Variants in DMXL1 observed in about 807,000 individuals in gnomAD.
The protein encoded by DMXL1 is dmX-like protein 1.
In DMXL1, 99 loss-of-function variants were observed where a neutral mutation model predicts 319.2. The observed-to-expected ratio is 0.31, with a 90% CI of 0.26 to 0.37. DMXL1 has a LOEUF of 0.37. Among genes scored for constraint, DMXL1 ranks in the 10% least tolerant of loss-of-function variants. DMXL1 has a pLI of 1.00. For synonymous variants in DMXL1, 1,385 were observed against 1,235.2 expected (o/e 1.12, Z -2.54); for missense variants, 3,745 against 3,595.6 (o/e 1.04, Z -1.06).
chr5:119,236,185 T>C (rs1412808573), intron 39 of DMXL1: 1 of 152,086 alleles, frequency 6.6e-6, no homozygotes, highest in Non-Finnish European at 1.5e-5. Context: ...TGAGACTTAT[T>C]CTTGTCTGCA....
chr5:119,127,507 T>G (rs930575764), intron 9 of DMXL1, among the ~76,000 whole-genome samples: 1 of 152,184 alleles, frequency 6.6e-6, no homozygotes, highest in Non-Finnish European at 1.5e-5. Context: ...CAGTGACCGA[T>G]AGCTCACTGC....
At chr5:119,187,092 C>T (rs1777870159) in intron 28 of DMXL1, among the ~76,000 whole-genome samples, 1 of 151,814 alleles carries the variant, frequency 6.6e-6, no homozygotes, top group Non-Finnish European at 1.5e-5. Flanking sequence ...AAAAAAAGTG[C>T]TTCCTGGGAA....
At chr5:119,129,585 T>C (rs190908820) in intron 10 of DMXL1, among the ~76,000 whole-genome samples, 162 bp downstream of exon 10, 60 of 152,350 alleles carry the variant, frequency 3.9e-4, no homozygotes, top group African/African-American at 1.3e-3. Context: ...ATTTCTGTTA[T>C]AGGTAGCTTT....
At chr5:119,126,896 CTTAAA>C (rs1763710838) in intron 9 of DMXL1, 1 of 165,190 alleles carries the variant, frequency 6.1e-6, no homozygotes, top group Non-Finnish European at 1.4e-5. Flanking sequence ...TTGTGCTGTG[CTTAAA>C]TTCCTTTTTG....
At position 119,149,097 on chromosome 5, in the gene DMXL1, T is replaced by C; in HGVS notation, c.3270T>C (p.Cys1090=). The C allele has an allele frequency of 6.2e-7, 1 of 1,613,964 alleles. No homozygotes were observed. Among genetic ancestry groups the C allele is most frequent in the Non-Finnish European group, 8.5e-7 (1 of 1,179,884 alleles). The change falls in exon 18 of 44, where the codon TGT becomes TGC. Residue 1090 remains cysteine, a synonymous_variant. Transcript: ENST00000539542. The stretch of plus-strand genomic sequence containing the variant: ...AATGTGAGTCAACAGGAGGTTCATG[T>C]TGGGTCCTTGAGCAGACAATTCATT... ...IFECESTGGS[C]WVLEQTIHLD... is the part of the protein sequence containing the mutation.
intron 28 of DMXL1, among the ~76,000 whole-genome samples, chr5:119,184,341 G>A (rs914170051): frequency 2.0e-5 from 3 of 152,106 alleles, no homozygotes; most frequent in African/African-American, 7.2e-5. Flanking sequence ...TGGGATTACA[G>A]GTGTGAGCCA....
intron 10 of DMXL1, 77 bp from the exon 11 acceptor site, chr5:119,133,055 C>G (rs752039520): frequency 1.1e-5 from 17 of 1,522,804 alleles, no homozygotes; most frequent in Non-Finnish European, 1.4e-5. Context: ...GTTCAGCTAT[C>G]CAGAAGCTCG....
intron 38 of DMXL1, among the ~76,000 whole-genome samples, chr5:119,227,757 A>G (rs893950057): frequency 2.6e-5 from 4 of 152,132 alleles, no homozygotes; most frequent in Admixed American, 6.6e-5. Flanking sequence ...GTTTCCAATT[A>G]TGTCCTGCTA....
rs1197558644 is a variant in DMXL1 at position 119,077,635 on chromosome 5, T to G, written c.87+5979T>G. 2.9e-3 allele frequency among the ~76,000 whole-genome samples: 351 copies of G among 121,884 alleles called. 2 individuals are homozygous for G. The highest frequency in any genetic ancestry group is 0.014 in the African/African-American group (341 of 24,668). The allele number at this position is 121,884 out of a possible 152,430, so 80.0% of individuals were successfully genotyped here. On this transcript the variant is annotated intron_variant, in intron 1 of 43. Coordinates refer to ENST00000539542, the MANE Select transcript of DMXL1 (RefSeq NM_001290321.3). Reference sequence around the variant, plus strand: ...ACAGACACGTGCCACCATTCCTGGCTTTTTTTTTTTTTTTTTGTATATGTG... The same window carrying G: ...ACAGACACGTGCCACCATTCCTGGCGTTTTTTTTTTTTTTTTGTATATGTG...
chr5:119,220,876 C>G, intron 36 of DMXL1, 64 bp from the exon 37 acceptor site: 1 of 1,560,868 alleles, frequency 6.4e-7, no homozygotes, highest in Non-Finnish European at 8.7e-7. Context: ...AATTTTAGAC[C>G]TTTCAAGTGT....
chr5:119,224,560 G>T, intron 37 of DMXL1, 149 bp from the exon 38 acceptor site: 1 of 349,882 alleles, frequency 2.9e-6, no homozygotes, highest in Non-Finnish European at 5.3e-6. Flanking sequence ...TTAAATTTCT[G>T]TTATCATGTT....
chr5:119,237,366 A>G lies in DMXL1; in HGVS notation c.8511A>G (p.Thr2837=), dbSNP rs751342441. The change falls in exon 40 of 44, where the codon ACA becomes ACG. Residue 2837 remains threonine (T), a synonymous_variant. Coordinates refer to ENST00000539542, the MANE Select transcript of DMXL1 (RefSeq NM_001290321.3). ...ATGGATATTTAAGTTTGTATCAAACAAACTGGAAATGTTGTCCAGTTACTG... is the reference window on the plus strand; with the variant it reads ...ATGGATATTTAAGTTTGTATCAAACGAACTGGAAATGTTGTCCAGTTACTG... The part of the protein sequence containing the change: ...DADGYLSLYQ[T]NWKCCPVTGS... 6.2e-7 allele frequency: 1 copy of G among 1,604,532 alleles called. No individual in the cohort carries two copies. Among genetic ancestry groups the G allele is most frequent in the Non-Finnish European group, 8.5e-7 (1 of 1,173,828 alleles).
chr5:119,105,232 C>A lies in DMXL1; in HGVS notation c.338C>A (p.Ala113Glu). 6.2e-7 allele frequency: 1 copy of A among 1,612,962 alleles called. No individual in the cohort carries two copies. The highest frequency in any genetic ancestry group is 8.5e-7 in the Non-Finnish European group (1 of 1,179,220). The change falls in exon 4 of 44, where the codon GCA becomes GAA. Residue 113 changes from alanine to glutamate, a missense_variant. Physicochemically the swap from Ala to Glu is moderately radical, Grantham distance 107. Transcript: ENST00000539542. ...GGCCAATTTTTTCTGGAATCAATAG[C>A]ACACAATATAACCTGGGATCCCACA... ...KSGQFFLESI[A>E]HNITWDPTGS...
At chr5:119,188,292 G>A (rs1778109059) in intron 28 of DMXL1, among the ~76,000 whole-genome samples, 1 of 151,644 alleles carries the variant, frequency 6.6e-6, no homozygotes, top group Admixed American at 6.6e-5. Context: ...AAAACAGCCA[G>A]GTGCAGTGGC....
intron 34 of DMXL1, 29 bp from the exon 35 acceptor site, chr5:119,216,872 A>G (rs376401947): frequency 7.9e-7 from 1 of 1,269,522 alleles, no homozygotes; most frequent in Non-Finnish European, 1.1e-6. Flanking sequence ...AAATCAGTGC[A>G]TTTTTGTGTT....
rs556897061 is a variant in DMXL1, at chr5:119,106,859, G to T, written c.364+1601G>T. ...ATACATGGATATGAAATGTGTTTAG[G>T]CAGTAGAATTGACATTACTTAACAA... is the stretch of plus-strand genomic sequence containing the variant. On this transcript the variant is annotated intron_variant, in intron 4 of 43. Transcript: ENST00000539542. Among the ~76,000 whole-genome samples, 16 of 152,282 alleles carry T rather than the reference G, an allele frequency of 1.1e-4. No homozygotes were observed. In the East Asian group the frequency reaches 3.1e-3, roughly 29 times the overall value.
rs865967045 is a variant in DMXL1, at chr5:119,082,018, T to C, written c.87+10362T>C. 4.0e-3 allele frequency among the ~76,000 whole-genome samples: 283 copies of C among 71,382 alleles called. 1 individual carries two copies. The highest frequency in any genetic ancestry group is 5.1e-3 in the Non-Finnish European group (169 of 33,294). The allele number at this position is 71,382 out of a possible 152,430, so 46.8% of individuals were successfully genotyped here. A position where few individuals can be genotyped will look rare whatever the true frequency, so the allele number is the denominator to read the frequency against. On this transcript the variant is annotated intron_variant, in intron 1 of 43. Coordinates refer to ENST00000539542, the MANE Select transcript of DMXL1 (RefSeq NM_001290321.3). Reference sequence around the variant, plus strand: ...AAGGTTATATATATATATATATATATATACACACACACACACACACACACA... The same window carrying C: ...AAGGTTATATATATATATATATATACATACACACACACACACACACACACA...
chr5:119,122,342 G>A (rs1265115144), intron 9 of DMXL1, among the ~76,000 whole-genome samples: 66 of 149,684 alleles, frequency 4.4e-4, no homozygotes, highest in African/African-American at 1.6e-3. Flanking sequence ...CCCGGAGGGG[G>A]CGGCTGGCCG....
Position 119,103,755 on chromosome 5 carries a change from A to G in DMXL1, c.286-1425A>G, listed in dbSNP as rs181209268. Among the ~76,000 whole-genome samples the G allele has an allele frequency of 3.3e-5, 5 of 152,294 alleles. No homozygotes were observed. The East Asian group carries it at 9.6e-4, about 29-fold the overall frequency. On this transcript the variant is annotated intron_variant, in intron 3 of 43. Coordinates refer to ENST00000539542, the MANE Select transcript of DMXL1 (RefSeq NM_001290321.3). ...AGGCGATTACCCCACCCAGCCCAGA[A>G]CAGTGTATTTCAGTACTCAATAAAT...
Sources: gnomAD v4.1 joint callset for allele counts (sites outside exome capture counted in the v4.1 genomes callset) on GRCh38, gnomAD v4.1.1 for gene constraint, MANE v1.5 for transcripts, NCBI Gene and HGNC (gene_info 2026-07-23, HGNC 2026-07-21) for gene names.